The following KIF20B variants were observed in gnomAD, a reference collection of about 807,000 sequenced individuals.
KIF20B encodes the protein kinesin-like protein KIF20B.
In KIF20B, 188 loss-of-function variants were observed where a neutral mutation model predicts 232.5. The ratio of observed to expected loss-of-function variants is 0.81; its 90% CI spans 0.72 to 0.91. The LOEUF (loss-of-function observed/expected upper bound fraction) is 0.91. Ranked by LOEUF, KIF20B falls within the 40% of genes least tolerant of loss-of-function variation. The probability of loss-of-function intolerance (pLI) is 0.00; values close to 1 mark genes in which losing one functional copy is unlikely to be tolerated. For synonymous variants in KIF20B, 712 were observed against 683.0 expected (o/e 1.04, Z -0.66); for missense variants, 2,154 against 2,055.9 (o/e 1.05, Z -0.92).
rs769783936 is a variant in KIF20B at position 89,729,137 on chromosome 10, A to G, written c.2281A>G (p.Thr761Ala). The G allele has an allele frequency of 7.1e-7, 1 of 1,415,914 alleles. No individual in the cohort carries two copies. The highest frequency in any genetic ancestry group is 2.7e-5 in the Admixed American group (1 of 36,430). 87.7% of individuals were successfully genotyped at this position (1,415,914 alleles called of 1,614,324 possible). A position where few individuals can be genotyped will look rare whatever the true frequency, so the allele number is the denominator to read the frequency against. Residue 761 changes from threonine (T) to alanine (A), a missense_variant, in exon 18 of 33, where the codon ACA (threonine) becomes GCA (alanine). By Grantham distance (58) the Thr-to-Ala change is moderately conservative (BLOSUM62 0). Transcript: ENST00000371728. ...TTTCTTCTTTCCAAAGAAAATAATT[A>G]CACAGAATCAAAGAATTAAAGAATT... ...ELETSNKKII[T>A]QNQRIKELIN... is the part of the protein sequence containing the mutation.
At chr10:89,739,759 A>G (rs1055584397) in intron 21 of KIF20B, among the ~76,000 whole-genome samples, 4 of 151,898 alleles carry the variant, frequency 2.6e-5, no homozygotes, top group Non-Finnish European at 4.4e-5. Flanking sequence ...TTCTACCACT[A>G]TAAAAGTGAC....
chr10:89,754,289 AT>A (rs1318108910), intron 25 of KIF20B, among the ~76,000 whole-genome samples: 1 of 152,068 alleles, frequency 6.6e-6, no homozygotes, highest in Non-Finnish European at 1.5e-5. Flanking sequence ...AAGTATTTAA[AT>A]GGACTTCATA....
At chr10:89,729,370 G>A in intron 18 of KIF20B, 123 bp downstream of exon 18, 1 of 982,546 alleles carries the variant, frequency 1.0e-6, no homozygotes, top group Non-Finnish European at 1.4e-6. Flanking sequence ...AATTGCTTAT[G>A]CAACATTGAA....
In KIF20B at chr10:89,768,270, C is replaced by T. The variant is rs1167689473; in HGVS notation, c.4990-20C>T. On this transcript the variant is annotated intron_variant, in intron 29 of 32. Coordinates refer to ENST00000371728, the MANE Select transcript of KIF20B (RefSeq NM_001284259.2). ...AATATTGTCAAGAAATTAACTGGTG[C>T]TAAAATTCATTATTTTTAGGACTTG... 1 of 1,404,078 alleles carries T rather than the reference C, an allele frequency of 7.1e-7. No individual in the cohort carries two copies. Among genetic ancestry groups the T allele is most frequent in the African/African-American group, 1.5e-5 (1 of 68,232 alleles). 87.0% of individuals were successfully genotyped at this position (1,404,078 alleles called of 1,614,324 possible). A position where few individuals can be genotyped will look rare whatever the true frequency, so the allele number is the denominator to read the frequency against.
chr10:89,749,189 A>G (rs1398975048), intron 23 of KIF20B, among the ~76,000 whole-genome samples: 1 of 151,872 alleles, frequency 6.6e-6, no homozygotes, highest in Non-Finnish European at 1.5e-5. Flanking sequence ...TTTTAAAATT[A>G]TTTTTTCCTT....
At position 89,729,262 on chromosome 10, in the gene KIF20B, T is replaced by A; in HGVS notation, c.2391+15T>A. 6.9e-7 allele frequency: 1 copy of A among 1,453,548 alleles called. No homozygotes were observed. Among genetic ancestry groups the A allele is most frequent in the Non-Finnish European group, 9.2e-7 (1 of 1,087,188 alleles). The allele number at this position is 1,453,548 out of a possible 1,614,324, so 90.0% of individuals were successfully genotyped here. A position where few individuals can be genotyped will look rare whatever the true frequency, so the allele number is the denominator to read the frequency against. On this transcript the variant is annotated intron_variant, in intron 18 of 32. Transcript: ENST00000371728. Reference sequence around the variant, plus strand: ...TTAAATGCAATGTAAGAATTTAACCTTGTGTTATATTAATAAATTAGATAA... The same window carrying A: ...TTAAATGCAATGTAAGAATTTAACCATGTGTTATATTAATAAATTAGATAA...
chr10:89,746,988 T>G (rs989522464), intron 23 of KIF20B, among the ~76,000 whole-genome samples: 3 of 152,240 alleles, frequency 2.0e-5, no homozygotes, highest in Non-Finnish European at 2.9e-5. Flanking sequence ...CAAACTTTTA[T>G]GTAGGTCACA....
At chr10:89,725,932 T>G (rs1340764623) in intron 15 of KIF20B, among the ~76,000 whole-genome samples, 1 of 152,206 alleles carries the variant, frequency 6.6e-6, no homozygotes, top group Non-Finnish European at 1.5e-5. Flanking sequence ...TGACGTGGTT[T>G]GGGATTGACT....
chr10:89,729,214 A>C lies in KIF20B; in HGVS notation c.2358A>C (p.Leu786=), dbSNP rs1421922510. The C allele has an allele frequency of 6.7e-7, 1 of 1,496,600 alleles. No homozygotes were observed. The allele number at this position is 1,496,600 out of a possible 1,614,324, so 92.7% of individuals were successfully genotyped here. The part of the protein sequence containing the change: ...KEDTINEFQN[L]KSHMENTFKC... ...ATACTATCAACGAATTTCAGAACCT[A>C]AAGTCTCATATGGAAAACACATTTA... Residue 786 remains leucine, a synonymous_variant, in exon 18 of 33, where the codon CTA becomes CTC. Transcript: ENST00000371728.
intron 13 of KIF20B, 25 bp from the exon 14 acceptor site, chr10:89,723,939 G>T: frequency 6.9e-7 from 1 of 1,439,962 alleles, no homozygotes; most frequent in Non-Finnish European, 9.3e-7. Flanking sequence ...TCTTTTATAA[G>T]AATTTTATCA....
At chr10:89,719,317 A>G (rs1842999181) in intron 12 of KIF20B, 102 bp from the exon 13 acceptor site, 1 of 812,086 alleles carries the variant, frequency 1.2e-6, no homozygotes, top group Admixed American at 2.8e-5. Context: ...GTTTTTCCTT[A>G]ACACTTGAGT....
At position 89,738,951 on chromosome 10, in the gene KIF20B, T is replaced by C. The variant is rs776211489; in HGVS notation, c.3777-7T>C. On this transcript the variant is annotated splice_region_variant and splice_polypyrimidine_tract_variant and intron_variant, in intron 20 of 32. Coordinates refer to ENST00000371728, the MANE Select transcript of KIF20B (RefSeq NM_001284259.2). ...ATTACCATAGAAAAGTGGTTTATGTTTTTTAGATTGAAAGAGGAACTCTCT... is the reference window on the plus strand; with the variant it reads ...ATTACCATAGAAAAGTGGTTTATGTCTTTTAGATTGAAAGAGGAACTCTCT... The C allele has an allele frequency of 6.2e-7, 1 of 1,608,320 alleles. No homozygotes were observed. The highest frequency in any genetic ancestry group is 1.1e-5 in the South Asian group (1 of 89,976).
intron 26 of KIF20B, among the ~76,000 whole-genome samples, chr10:89,755,918 A>C (rs1231240838): frequency 6.6e-6 from 1 of 152,186 alleles, no homozygotes; most frequent in Non-Finnish European, 1.5e-5. Flanking sequence ...GTTAATTTTC[A>C]ATAAGGTAAG....
At position 89,719,468 on chromosome 10, in the gene KIF20B, C is replaced by T; in HGVS notation, c.1484C>T (p.Pro495Leu). Residue 495 changes from proline (P) to leucine (L), a missense_variant, in exon 13 of 33, where the codon CCT becomes CTT. By Grantham distance (98) the Pro-to-Leu change is moderately conservative. Transcript: ENST00000371728. ...TCCTCTCAAGAGAAATTATTTGGAC[C>T]TGTCAAATCTTCTCAAGATGTATCA... ...LNSSQEKLFG[P>L]VKSSQDVSLD... 1 of 1,600,064 alleles carries T rather than the reference C, an allele frequency of 6.2e-7. No homozygotes were observed. The highest frequency in any genetic ancestry group is 8.5e-7 in the Non-Finnish European group (1 of 1,174,070).
intron 26 of KIF20B, among the ~76,000 whole-genome samples, chr10:89,756,318 A>G (rs761442973): frequency 1.3e-5 from 2 of 152,216 alleles, no homozygotes; most frequent in Non-Finnish European, 2.9e-5. Flanking sequence ...CTGACCCAGT[A>G]GTAAGAGGCA....
At chr10:89,752,716 G>A in intron 25 of KIF20B, 25 bp downstream of exon 25, 3 of 1,468,846 alleles carry the variant, frequency 2.0e-6, no homozygotes, top group Non-Finnish European at 2.7e-6. Context: ...ATGTTTTTAT[G>A]TATGAATGTA....
At chr10:89,718,675 TA>T in intron 11 of KIF20B, 34 bp from the exon 12 acceptor site, 1 of 1,551,498 alleles carries the variant, frequency 6.4e-7, no homozygotes, top group Non-Finnish European at 8.8e-7. Context: ...AGATGTTTTT[TA>T]ACTTACAATG....
chr10:89,704,540 T>C (rs1158410274), intron 1 of KIF20B, among the ~76,000 whole-genome samples: 2 of 151,298 alleles, frequency 1.3e-5, no homozygotes, highest in African/African-American at 4.9e-5. Context: ...GAAAACAATT[T>C]TTCAGATAAC....
chr10:89,701,610 A>G lies in KIF20B; in HGVS notation c.-72A>G, dbSNP rs1036878375. On this transcript the variant is annotated 5_prime_UTR_variant, in exon 1 of 33. Coordinates refer to ENST00000371728, the MANE Select transcript of KIF20B (RefSeq NM_001284259.2). The stretch of plus-strand genomic sequence containing the variant: ...CGTTCAGTGCGGTGCCCTGGCCGCC[A>G]TTGTTTGAATTTGAAAACGGTAACA... 2 of 152,290 alleles carry G rather than the reference A, an allele frequency of 1.3e-5. No individual in the cohort carries two copies. Among genetic ancestry groups the G allele is most frequent in the Admixed American group, 6.5e-5 (1 of 15,282 alleles). 9.4% of individuals were successfully genotyped at this position (152,290 alleles called of 1,614,324 possible). A position where few individuals can be genotyped will look rare whatever the true frequency, so the allele number is the denominator to read the frequency against.
Sources: allele counts gnomAD v4.1 joint callset (sites outside exome capture counted in the v4.1 genomes callset), GRCh38; gene constraint gnomAD v4.1.1; transcripts MANE v1.5; gene names NCBI Gene and HGNC (gene_info 2026-07-23, HGNC 2026-07-21).